LRRTM4: variants seen among roughly 807,000 people sequenced by gnomAD.
The protein encoded by LRRTM4 is leucine rich repeat transmembrane neuronal 4, also known as leucine-rich repeat transmembrane neuronal protein 4.
Under a neutral mutation model 47.6 loss-of-function variants are expected in LRRTM4, and 25 were observed. The ratio of observed to expected loss-of-function variants is 0.53; its 90% confidence interval spans 0.38 to 0.73. The LOEUF is 0.73. Ranked by LOEUF, LRRTM4 falls within the 30% of genes least tolerant of loss-of-function variation. The pLI is 0.00. For synonymous variants in LRRTM4, 311 were observed against 269.5 expected, an observed-to-expected ratio of 1.15 and a Z score of -1.51; for missense variants, 638 against 713.4, an observed-to-expected ratio of 0.89 and a Z score of 1.20.
chr2:77,517,797 G>A (rs1456795719), intron 3 of LRRTM4: 1 of 985,132 alleles, frequency 1.0e-6, no homozygotes, highest in Non-Finnish European at 1.2e-6. Context: ...AAGTAACATG[G>A]GTGTGAGATC....
Position 77,010,214 on chromosome 2 carries a change from T to C in LRRTM4, c.1552-261298A>G, listed in dbSNP as rs575013807. Among the ~76,000 whole-genome samples the C allele has an allele frequency of 1.4e-4, 21 of 152,116 alleles. No homozygotes were observed. In the East Asian group the frequency reaches 4.1e-3, roughly 29 times the overall value. ...TTGTCATTAACTGTAGTCAACAAGA[T>C]GTGCAATCGTTTTTTGGAATGTATT... On this transcript the variant is annotated intron_variant, in intron 3 of 3. Transcript: ENST00000409884.
At chr2:76,875,592 A>G (rs1672755257) in intron 3 of LRRTM4, among the ~76,000 whole-genome samples, 1 of 152,168 alleles carries the variant, frequency 6.6e-6, no homozygotes, top group Middle Eastern at 3.2e-3. Flanking sequence ...ATAAGGGAAT[A>G]GCAAGTTGCA....
At chr2:76,918,779 A>G (rs1376802757) in intron 3 of LRRTM4, among the ~76,000 whole-genome samples, 1 of 152,148 alleles carries the variant, frequency 6.6e-6, no homozygotes, top group Non-Finnish European at 1.5e-5. Context: ...GGTTTGGCCA[A>G]TGGAACTTAA....
chr2:76,762,018 A>G (rs960457516), intron 3 of LRRTM4, among the ~76,000 whole-genome samples: 11 of 152,188 alleles, frequency 7.2e-5, no homozygotes, highest in Non-Finnish European at 1.5e-4. Context: ...GACTACAGAG[A>G]ATAGCTTGCA....
intron 3 of LRRTM4, among the ~76,000 whole-genome samples, chr2:77,034,006 G>A (rs1678752431): frequency 6.6e-6 from 1 of 151,614 alleles, no homozygotes; most frequent in Admixed American, 6.6e-5. Flanking sequence ...ATAAAAGTAT[G>A]CTTAGTATAC....
At chr2:77,432,443 C>A (rs1284225799) in intron 3 of LRRTM4, among the ~76,000 whole-genome samples, 1 of 152,184 alleles carries the variant, frequency 6.6e-6, no homozygotes, top group Admixed American at 6.5e-5. Flanking sequence ...AATTTTTTGG[C>A]AAATTTTGTA....
intron 3 of LRRTM4, among the ~76,000 whole-genome samples, chr2:76,835,435 A>C (rs926470259): frequency 1.3e-5 from 2 of 152,166 alleles, no homozygotes; most frequent in African/African-American, 4.8e-5. Flanking sequence ...AGAGTAATAC[A>C]TGTGACTTAT....
intron 3 of LRRTM4, among the ~76,000 whole-genome samples, chr2:76,905,827 C>T (rs1673814078): frequency 6.6e-6 from 1 of 152,070 alleles, no homozygotes; most frequent in African/African-American, 2.4e-5. Context: ...ACAAAGCCTC[C>T]AAGAAATATG....
intron 3 of LRRTM4, among the ~76,000 whole-genome samples, chr2:77,506,464 T>C (rs757023114): frequency 1.3e-4 from 19 of 151,604 alleles, no homozygotes; most frequent in Non-Finnish European, 2.5e-4. Context: ...CATTTCAAAA[T>C]AAGAAATCCA....
At chr2:76,939,378 T>C (rs1675059521) in intron 3 of LRRTM4, among the ~76,000 whole-genome samples, 1 of 152,108 alleles carries the variant, frequency 6.6e-6, no homozygotes, top group African/African-American at 2.4e-5. Flanking sequence ...AATTCAACAG[T>C]AAATGGGCAA....
rs961784949 is a variant in LRRTM4, at chr2:77,011,751, G to C, written c.1552-262835C>G. 3.9e-5 allele frequency among the ~76,000 whole-genome samples: 6 copies of C among 151,984 alleles called. No homozygotes were observed. The South Asian group carries it at 1.3e-3, about 32-fold the overall frequency. On this transcript the variant is annotated intron_variant, in intron 3 of 3. Transcript: ENST00000409884. ...TCTTTATAGTTAACATTATCTTATTGGGGTAAATATATAACTCTTAAAAAT... is the reference window on the plus strand; with the variant it reads ...TCTTTATAGTTAACATTATCTTATTCGGGTAAATATATAACTCTTAAAAAT...
chr2:76,779,221 A>G (rs566484516), intron 3 of LRRTM4, among the ~76,000 whole-genome samples: 7 of 152,216 alleles, frequency 4.6e-5, no homozygotes, highest in African/African-American at 1.4e-4. Flanking sequence ...GTGGTGCTGA[A>G]AAAAATGTAT....
intron 3 of LRRTM4, among the ~76,000 whole-genome samples, chr2:77,157,508 T>C (rs932952025): frequency 1.8e-4 from 27 of 152,288 alleles, no homozygotes; most frequent in African/African-American, 6.3e-4. Context: ...TATTTCATTA[T>C]TGCTTATAAT....
At chr2:77,339,270 T>C (rs1242923656) in intron 3 of LRRTM4, among the ~76,000 whole-genome samples, 2 of 152,006 alleles carry the variant, frequency 1.3e-5, no homozygotes, top group Non-Finnish European at 2.9e-5. Flanking sequence ...ACTGTAATTG[T>C]TTTAACTGCA....
intron 3 of LRRTM4, among the ~76,000 whole-genome samples, chr2:76,854,716 T>C (rs1257431596): frequency 1.3e-5 from 2 of 152,172 alleles, no homozygotes; most frequent in Admixed American, 1.3e-4. Flanking sequence ...GCTACTTACT[T>C]ATTTTTAAAA....
intron 3 of LRRTM4, among the ~76,000 whole-genome samples, chr2:77,366,436 T>G (rs372595592): frequency 4.7e-4 from 71 of 152,048 alleles, no homozygotes; most frequent in African/African-American, 1.7e-3. Context: ...CCTCCTTTCC[T>G]TACTTTGTAT....
At chr2:77,184,177 A>G (rs185122636) in intron 3 of LRRTM4, among the ~76,000 whole-genome samples, 21 of 152,268 alleles carry the variant, frequency 1.4e-4, no homozygotes, top group African/African-American at 4.3e-4. Flanking sequence ...AGTATAAAAT[A>G]TTTCAACAAT....
At chr2:76,927,435 A>G (rs896958381) in intron 3 of LRRTM4, among the ~76,000 whole-genome samples, 4 of 152,136 alleles carry the variant, frequency 2.6e-5, no homozygotes, top group African/African-American at 7.2e-5. Flanking sequence ...TTACAGGTCA[A>G]GTGTGAGAGA....
chr2:76,877,611 AG>A (rs1672813381), intron 3 of LRRTM4, among the ~76,000 whole-genome samples: 1 of 152,186 alleles, frequency 6.6e-6, no homozygotes, highest in Non-Finnish European at 1.5e-5. Context: ...GGTTTATTTC[AG>A]GAATATATAA....
Sources: gnomAD v4.1 joint callset for allele counts (sites outside exome capture counted in the v4.1 genomes callset) on GRCh38, gnomAD v4.1.1 for gene constraint, MANE v1.5 for transcripts, NCBI Gene and HGNC (gene_info 2026-07-23, HGNC 2026-07-21) for gene names.